The following ROBO1 variants were observed in gnomAD, a reference collection of about 807,000 sequenced individuals.
ROBO1 encodes roundabout homolog 1.
ROBO1 carries 149 observed loss-of-function variants against 195.9 expected under a neutral mutation model. That is an observed-to-expected ratio of 0.76 (90% CI 0.67 to 0.87). The LOEUF (loss-of-function observed/expected upper bound fraction) is 0.87, where lower values mean the gene tolerates loss of function less well. Ranked by LOEUF, ROBO1 falls within the 40% of genes least tolerant of loss-of-function variation. The pLI is 0.00. For synonymous variants in ROBO1, 816 were observed against 733.2 expected (o/e 1.11, Z -1.82); for missense variants, 1,933 against 2,068.3 (o/e 0.93, Z 1.27).
At chr3:79,463,360 G>A (rs1269767173) in intron 2 of ROBO1, among the ~76,000 whole-genome samples, 1 of 147,936 alleles carries the variant, frequency 6.8e-6, no homozygotes, top group African/African-American at 2.5e-5. Flanking sequence ...GGGTGACAGA[G>A]CAAGATTACA....
chr3:79,323,720 T>A (rs1000654330), intron 2 of ROBO1, among the ~76,000 whole-genome samples: 1 of 152,192 alleles, frequency 6.6e-6, no homozygotes, highest in Non-Finnish European at 1.5e-5. Context: ...TATAAATTTA[T>A]TCTTTATCAC....
intron 3 of ROBO1, among the ~76,000 whole-genome samples, chr3:79,071,734 A>ATGCG: frequency 6.8e-6 from 1 of 147,760 alleles, no homozygotes; most frequent in African/African-American, 2.5e-5. Flanking sequence ...GCACACACAC[A>ATGCG]CACACGCACA....
intron 1 of ROBO1, among the ~76,000 whole-genome samples, chr3:79,698,829 T>C (rs1196073045): frequency 6.6e-6 from 1 of 151,472 alleles, no homozygotes; most frequent in East Asian, 1.9e-4. Flanking sequence ...GCAGACAGAG[T>C]TGACTCTTGA....
chr3:78,711,282 T>C (rs1328009714), intron 8 of ROBO1, among the ~76,000 whole-genome samples: 4 of 151,100 alleles, frequency 2.6e-5, no homozygotes, highest in Non-Finnish European at 5.9e-5. Flanking sequence ...TTTCTTTCTT[T>C]CCCTTTCTTT....
intron 2 of ROBO1, among the ~76,000 whole-genome samples, chr3:79,388,857 C>T (rs929804880): frequency 6.6e-6 from 1 of 152,046 alleles, no homozygotes; most frequent in African/African-American, 2.4e-5. Flanking sequence ...ATCCCCAAAC[C>T]TCATGTATGA....
At chr3:78,627,022 T>C (rs79897531) in intron 26 of ROBO1, among the ~76,000 whole-genome samples, 402 of 152,266 alleles carry the variant, frequency 2.6e-3, no homozygotes, top group African/African-American at 9.3e-3. Flanking sequence ...GTCAATAATA[T>C]GATACAGAGT....
At chr3:79,188,667 T>C (rs1420495319) in intron 2 of ROBO1, among the ~76,000 whole-genome samples, 1 of 151,552 alleles carries the variant, frequency 6.6e-6, no homozygotes, top group Non-Finnish European at 1.5e-5. Flanking sequence ...ATTGAACCAA[T>C]ACATTTCATG....
Position 78,811,668 on chromosome 3 carries a change from A to C in ROBO1, c.500-64768T>G, listed in dbSNP as rs572722874. On this transcript the variant is annotated intron_variant, in intron 4 of 30. Coordinates refer to ENST00000464233, the MANE Select transcript of ROBO1 (RefSeq NM_002941.4). ...AACACTCTATATTCCAGGCCCACTGAATCAATCTCAGTTCCCTAAACTAGT... is the reference window on the plus strand; with the variant it reads ...AACACTCTATATTCCAGGCCCACTGCATCAATCTCAGTTCCCTAAACTAGT... 2.0e-5 allele frequency among the ~76,000 whole-genome samples: 3 copies of C among 152,262 alleles called. 1 individual carries two copies. The South Asian group carries it at 6.2e-4, about 32-fold the overall frequency.
chr3:79,186,640 A>G (rs2081444502), intron 2 of ROBO1, among the ~76,000 whole-genome samples: 1 of 152,056 alleles, frequency 6.6e-6, no homozygotes, highest in Admixed American at 6.6e-5. Context: ...CCCTTCTTGT[A>G]AGTGAGGTAT....
chr3:78,697,809 G>A (rs1445940318), intron 8 of ROBO1, among the ~76,000 whole-genome samples: 1 of 151,948 alleles, frequency 6.6e-6, no homozygotes. Flanking sequence ...ACAGTATTTG[G>A]GTCTAAAATA....
chr3:79,027,119 C>T (rs553789494), intron 3 of ROBO1, among the ~76,000 whole-genome samples: 57 of 152,114 alleles, frequency 3.7e-4, no homozygotes, highest in Admixed American at 7.9e-4. Context: ...TGCAGATTGC[C>T]GTTATCTGGG....
intron 8 of ROBO1, among the ~76,000 whole-genome samples, chr3:78,689,339 G>A (rs758551663): frequency 2.2e-4 from 34 of 152,172 alleles, no homozygotes; most frequent in Admixed American, 6.6e-4. Context: ...ATGGAAATGA[G>A]GGAAAATTTG....
chr3:79,483,297 G>A (rs1938966871), intron 2 of ROBO1, among the ~76,000 whole-genome samples: 1 of 152,212 alleles, frequency 6.6e-6, no homozygotes, highest in Admixed American at 6.5e-5. Context: ...AAAGGGGAAA[G>A]TGAAAGGAAA....
At chr3:78,805,786 A>G (rs953566798) in intron 4 of ROBO1, among the ~76,000 whole-genome samples, 3 of 152,146 alleles carry the variant, frequency 2.0e-5, no homozygotes, top group African/African-American at 7.2e-5. Context: ...TCTATTAGTT[A>G]GTATATAATA....
intron 5 of ROBO1, among the ~76,000 whole-genome samples, chr3:78,741,138 T>C (rs763927729): frequency 3.3e-5 from 5 of 152,152 alleles, no homozygotes; most frequent in Non-Finnish European, 7.4e-5. Context: ...AGCACATTTG[T>C]TTTTATGCTT....
intron 1 of ROBO1, among the ~76,000 whole-genome samples, chr3:79,625,951 A>T (rs1468077692): frequency 6.6e-6 from 1 of 152,150 alleles, no homozygotes; most frequent in Non-Finnish European, 1.5e-5. Context: ...CTATACAAAG[A>T]TCCTCAATAA....
intron 1 of ROBO1, among the ~76,000 whole-genome samples, chr3:79,654,715 T>C (rs1280025468): frequency 1.7e-5 from 2 of 114,838 alleles, no homozygotes; most frequent in South Asian, 3.5e-4. Context: ...TCTGTTTAGC[T>C]CTTTTCTAGT....
At chr3:79,058,124 A>T (rs1471561331) in intron 3 of ROBO1, among the ~76,000 whole-genome samples, 4 of 151,982 alleles carry the variant, frequency 2.6e-5, no homozygotes, top group African/African-American at 9.7e-5. Flanking sequence ...CCTGGGGAAA[A>T]CCATGCCCTA....
At chr3:79,024,032 C>T (rs1320738895) in intron 3 of ROBO1, among the ~76,000 whole-genome samples, 2 of 152,146 alleles carry the variant, frequency 1.3e-5, no homozygotes, top group African/African-American at 4.8e-5. Context: ...TTTAACACAG[C>T]ATTGTGAAGA....
Sources: gnomAD v4.1 joint callset for allele counts (sites outside exome capture counted in the v4.1 genomes callset) on GRCh38, gnomAD v4.1.1 for gene constraint, MANE v1.5 for transcripts, NCBI Gene and HGNC (gene_info 2026-07-23, HGNC 2026-07-21) for gene names.